Variants in CADPS2 observed in about 807,000 individuals in gnomAD.
The protein encoded by CADPS2 is calcium dependent secretion activator 2.
A neutral mutation model predicts 172.5 loss-of-function variants in CADPS2; 93 were observed. The ratio of observed to expected loss-of-function variants is 0.54; its 90% CI spans 0.46 to 0.64. CADPS2 has a LOEUF of 0.64. Among genes scored for constraint, CADPS2 ranks in the 30% least tolerant of loss-of-function variants. CADPS2 has a pLI of 0.00. For synonymous variants in CADPS2, 546 were observed against 555.2 expected (o/e 0.98, Z 0.23); for missense variants, 1,420 against 1,565.9 (o/e 0.91, Z 1.57).
chr7:122,398,628 G>A (rs1050835201), intron 20 of CADPS2, among the ~76,000 whole-genome samples: 1 of 152,118 alleles, frequency 6.6e-6, no homozygotes, highest in African/African-American at 2.4e-5. Flanking sequence ...GTTGACAAAT[G>A]CATATAATGA....
chr7:122,876,208 TAC>T (rs1448006592), intron 1 of CADPS2, among the ~76,000 whole-genome samples: 21 of 151,920 alleles, frequency 1.4e-4, no homozygotes, highest in African/African-American at 4.6e-4. Flanking sequence ...TAATCCCAGC[TAC>T]TTGGGAGGCT....
rs910197015 is a variant in CADPS2, at chr7:122,407,397, T to C, written c.2746+143A>G. On this transcript the variant is annotated intron_variant, in intron 20 of 29. Transcript: ENST00000449022. ...GGCTCCCTTAGTCTCTGGCCTGACA[T>C]AATCGGGCAGGCTGAGCAAACCTAA... The C allele has an allele frequency of 9.4e-6, 8 of 852,900 alleles. 1 individual carries two copies. In the Admixed American group the frequency reaches 1.4e-4, roughly 15 times the overall value. 52.8% of individuals were successfully genotyped at this position (852,900 alleles called of 1,614,324 possible).
At chr7:122,741,660 A>G (rs2092481694) in intron 1 of CADPS2, among the ~76,000 whole-genome samples, 1 of 152,210 alleles carries the variant, frequency 6.6e-6, no homozygotes, top group Non-Finnish European at 1.5e-5. Flanking sequence ...ATTAATCTGT[A>G]CAAAATCTAC....
intron 6 of CADPS2, among the ~76,000 whole-genome samples, chr7:122,599,559 G>T (rs1229120565): frequency 6.6e-6 from 1 of 151,972 alleles, no homozygotes; most frequent in Non-Finnish European, 1.5e-5. Flanking sequence ...AAATATAAAT[G>T]TTTCTATTTT....
chr7:122,771,121 T>A (rs76136687), intron 1 of CADPS2, among the ~76,000 whole-genome samples: 2,549 of 152,292 alleles, frequency 0.017, 30 homozygotes, highest in Non-Finnish European at 0.025. Flanking sequence ...GGCCTAGATA[T>A]CCTGGAATTT....
chr7:122,713,949 G>A (rs1378787949), intron 2 of CADPS2, among the ~76,000 whole-genome samples: 1 of 152,018 alleles, frequency 6.6e-6, no homozygotes, highest in Non-Finnish European at 1.5e-5. Flanking sequence ...TAGCTCTGCT[G>A]GCACAATATT....
chr7:122,654,053 A>G (rs1302734152), intron 3 of CADPS2, among the ~76,000 whole-genome samples: 1 of 152,210 alleles, frequency 6.6e-6, no homozygotes, highest in East Asian at 1.9e-4. Flanking sequence ...GGCATGTCAT[A>G]AGAAGAGACG....
chr7:122,550,668 G>C (rs1029231119), intron 8 of CADPS2, among the ~76,000 whole-genome samples: 5 of 152,140 alleles, frequency 3.3e-5, no homozygotes, highest in African/African-American at 1.2e-4. Flanking sequence ...AACAGGAATA[G>C]TTATTTGAGT....
chr7:122,805,326 A>G (rs780688402), intron 1 of CADPS2, among the ~76,000 whole-genome samples: 1 of 152,000 alleles, frequency 6.6e-6, no homozygotes, highest in Non-Finnish European at 1.5e-5. Context: ...CGCCTAGCTA[A>G]TTTTTGAATT....
intron 2 of CADPS2, chr7:122,681,689 C>G: frequency 2.0e-6 from 2 of 1,017,018 alleles, no homozygotes; most frequent in Admixed American, 1.9e-5. Context: ...AGACTGAAGA[C>G]AGGTTATTCT....
At chr7:122,709,755 T>C (rs1369629642) in intron 2 of CADPS2, among the ~76,000 whole-genome samples, 5 of 151,956 alleles carry the variant, frequency 3.3e-5, no homozygotes, top group East Asian at 1.9e-4. Flanking sequence ...ACGTCCTTTG[T>C]AGGGACATGG....
At chr7:122,875,120 T>C (rs1157932685) in intron 1 of CADPS2, among the ~76,000 whole-genome samples, 1 of 152,216 alleles carries the variant, frequency 6.6e-6, no homozygotes, top group African/African-American at 2.4e-5. Flanking sequence ...TGAGTGTGTA[T>C]ACGTTTGCAG....
chr7:122,647,568 C>A (rs1018694710), intron 3 of CADPS2, among the ~76,000 whole-genome samples: 1 of 152,156 alleles, frequency 6.6e-6, no homozygotes, highest in Non-Finnish European at 1.5e-5. Context: ...GTTGGCCCTG[C>A]TCCATCTAAG....
chr7:122,520,443 A>C (rs1371918049), intron 8 of CADPS2, among the ~76,000 whole-genome samples: 1 of 151,984 alleles, frequency 6.6e-6, no homozygotes, highest in Non-Finnish European at 1.5e-5. Flanking sequence ...TTTCCTTTAA[A>C]TACTATATAT....
chr7:122,504,476 C>A (rs1418890935), intron 9 of CADPS2, among the ~76,000 whole-genome samples: 1 of 152,164 alleles, frequency 6.6e-6, no homozygotes, highest in Non-Finnish European at 1.5e-5. Flanking sequence ...TGTGAATGAG[C>A]TGAGGGCTGC....
rs76775158 is a variant in CADPS2, at chr7:122,692,376, C to T, written c.454-28807G>A. Among the ~76,000 whole-genome samples the T allele has an allele frequency of 9.7e-3, 1,477 of 152,312 alleles. 23 individuals are homozygous for T. Among genetic ancestry groups the T allele is most frequent in the African/African-American group, 0.034 (1,419 of 41,576 alleles). On this transcript the variant is annotated intron_variant, in intron 2 of 29. Transcript: ENST00000449022. ...CTGCAACAGAGGTTCTTTCTCCCTGCGCTGCATCCTGCAGGGACTGGGCAT... is the reference window on the plus strand; with the variant it reads ...CTGCAACAGAGGTTCTTTCTCCCTGTGCTGCATCCTGCAGGGACTGGGCAT...
chr7:122,503,157 G>A (rs2059351148), intron 9 of CADPS2, among the ~76,000 whole-genome samples: 1 of 151,236 alleles, frequency 6.6e-6, no homozygotes, highest in Non-Finnish European at 1.5e-5. Flanking sequence ...TCAGTCTCAG[G>A]AGTAGCTGGG....
intron 20 of CADPS2, among the ~76,000 whole-genome samples, chr7:122,398,867 G>A (rs1563237125): frequency 6.8e-6 from 1 of 146,730 alleles, no homozygotes; most frequent in Non-Finnish European, 1.5e-5. Flanking sequence ...ATAAATGTCT[G>A]ATTATTGAAT....
chr7:122,642,157 G>A lies in CADPS2; in HGVS notation c.787-12829C>T, dbSNP rs577026032. Among the ~76,000 whole-genome samples, 401 of 151,804 alleles carry A rather than the reference G, an allele frequency of 2.6e-3. 1 individual carries two copies. The highest frequency in any genetic ancestry group is 3.6e-3 in the Admixed American group (54 of 15,200). On this transcript the variant is annotated intron_variant, in intron 3 of 29. Transcript: ENST00000449022. The stretch of plus-strand genomic sequence containing the variant: ...TAGCCAGGCATGGTGGTAGGCGCCT[G>A]TAATCCCAGCTACTCCAGAGACTGA...
Sources: allele counts gnomAD v4.1 joint callset (sites outside exome capture counted in the v4.1 genomes callset), GRCh38; gene constraint gnomAD v4.1.1; transcripts MANE v1.5; gene names NCBI Gene and HGNC (gene_info 2026-07-23, HGNC 2026-07-21).